The following RASA3 variants were observed in gnomAD, a reference collection of about 807,000 sequenced individuals.
RASA3 encodes the protein ras GTPase-activating protein 3.
RASA3 carries 73 observed loss-of-function variants against 110.0 expected under a neutral mutation model. The observed-to-expected ratio is 0.66, with a 90% CI of 0.55 to 0.81. The LOEUF (loss-of-function observed/expected upper bound fraction) is 0.81. RASA3 is among the 30% of genes least tolerant of loss of function. RASA3 has a pLI of 0.00. For missense variants in RASA3, 976 were observed against 1,113.2 expected, an observed-to-expected ratio of 0.88 and a Z score of 1.75; for synonymous variants, 500 against 451.4, an observed-to-expected ratio of 1.11 and a Z score of -1.37.
chr13:114,046,241 C>T (rs116977569), intron 3 of RASA3, among the ~76,000 whole-genome samples: 2,344 of 152,322 alleles, frequency 0.015, 135 homozygotes, highest in Admixed American at 0.1. Context: ...ACACAGCAGG[C>T]GAGCCCCAAA....
chr13:114,030,722 G>A (rs1365070163), intron 4 of RASA3, among the ~76,000 whole-genome samples: 2 of 152,214 alleles, frequency 1.3e-5, no homozygotes, highest in Admixed American at 1.3e-4. Context: ...ACAACTGTGT[G>A]TCTGCCTGTG....
intron 15 of RASA3, among the ~76,000 whole-genome samples, chr13:114,012,745 C>CCTG (rs1463426152): frequency 4.1e-5 from 5 of 121,432 alleles, no homozygotes; most frequent in East Asian, 2.2e-4. Context: ...CCCACTCACT[C>CCTG]ATTCCACACA....
chr13:113,996,114 G>T, intron 21 of RASA3, among the ~76,000 whole-genome samples: 1 of 151,064 alleles, frequency 6.6e-6, no homozygotes, highest in Non-Finnish European at 1.5e-5. Context: ...CCGGCTGATG[G>T]GGGGCCGGGA....
chr13:114,029,989 G>A (rs1190671310), intron 4 of RASA3, 102 bp from the exon 5 acceptor site: 3 of 1,100,136 alleles, frequency 2.7e-6, no homozygotes, highest in Admixed American at 2.0e-5. Context: ...GGGAGCAGGC[G>A]GCCCCGCCCT....
chr13:113,981,497 G>T (rs1424857266), intron 23 of RASA3, among the ~76,000 whole-genome samples, 178 bp downstream of exon 23: 1 of 152,174 alleles, frequency 6.6e-6, no homozygotes, highest in African/African-American at 2.4e-5. Flanking sequence ...GACCAGCAGC[G>T]CCGGGCCACG....
At chr13:114,045,195 A>G (rs2079033294) in intron 3 of RASA3, among the ~76,000 whole-genome samples, 1 of 152,210 alleles carries the variant, frequency 6.6e-6, no homozygotes, top group Non-Finnish European at 1.5e-5. Flanking sequence ...CCTGATCTAA[A>G]AGCCACGGCG....
chr13:114,114,680 C>T lies in RASA3; in HGVS notation c.55+17755G>A, dbSNP rs774303336. Among the ~76,000 whole-genome samples the T allele has an allele frequency of 9.8e-5, 15 of 152,314 alleles. No individual in the cohort carries two copies. Among genetic ancestry groups the T allele is most frequent in the Non-Finnish European group, 1.9e-4 (13 of 68,018 alleles). ...GCAACTTGTTTTTCTTCATCCTTCGCCGACCTTTGTTTATGGGTAACCCTT... is the reference window on the plus strand; with the variant it reads ...GCAACTTGTTTTTCTTCATCCTTCGTCGACCTTTGTTTATGGGTAACCCTT... On this transcript the variant is annotated intron_variant, in intron 1 of 23. Coordinates refer to ENST00000334062, the MANE Select transcript of RASA3 (RefSeq NM_007368.4). The surrounding 1 kb of genome is among the most constrained non-coding windows in gnomAD (Gnocchi z 4.8).
At position 114,056,242 on chromosome 13, in the gene RASA3, GGTGA is replaced by G. The variant is rs1485622472; in HGVS notation, c.174-4091_174-4088del. Among the ~76,000 whole-genome samples the G allele has an allele frequency of 1.3e-5, 2 of 152,208 alleles. No individual in the cohort carries two copies. The highest frequency in any genetic ancestry group is 2.9e-5 in the Non-Finnish European group (2 of 68,034). Reference sequence around the variant, plus strand: ...CGTGTCCAATGCGTGTCTGGTGAGTGGTGAGTGTCTGGTGTGTGTCTGATGTGTG... The same window carrying G: ...CGTGTCCAATGCGTGTCTGGTGAGTGGTGTCTGGTGTGTGTCTGATGTGTG... On this transcript the variant is annotated intron_variant, in intron 2 of 23. Transcript: ENST00000334062. This position sits in a 1 kb window ranked among gnomAD's most constrained non-coding sequence, Gnocchi z 5.7.
intron 3 of RASA3, among the ~76,000 whole-genome samples, chr13:114,043,548 G>A (rs1387799723): frequency 6.6e-6 from 1 of 152,120 alleles, no homozygotes; most frequent in African/African-American, 2.4e-5. Context: ...CCTAAGATCA[G>A]CCTGGTGACC....
Position 114,096,046 on chromosome 13 carries a change from C to A in RASA3, c.56-22209G>T, listed in dbSNP as rs1009022222. 3.3e-5 allele frequency among the ~76,000 whole-genome samples: 5 copies of A among 152,222 alleles called. No individual in the cohort carries two copies. The highest frequency in any genetic ancestry group is 1.2e-4 in the African/African-American group (5 of 41,462). On this transcript the variant is annotated intron_variant, in intron 1 of 23. Transcript: ENST00000334062. This position sits in a 1 kb window ranked among gnomAD's most constrained non-coding sequence, Gnocchi z 5.1. The stretch of plus-strand genomic sequence containing the variant: ...AAAATCTGCCTACAGGAAGATGCCA[C>A]CCTGGGTGGCACTGGTGTGCCGGGA...
chr13:114,099,223 G>A (rs1412558621), intron 1 of RASA3, among the ~76,000 whole-genome samples: 1 of 151,870 alleles, frequency 6.6e-6, no homozygotes, highest in African/African-American at 2.4e-5. Flanking sequence ...TTTTCTCAAG[G>A]TCAGAACAGC....
intron 3 of RASA3, among the ~76,000 whole-genome samples, chr13:114,050,616 T>C (rs1013532135): frequency 6.6e-6 from 1 of 152,198 alleles, no homozygotes; most frequent in African/African-American, 2.4e-5. Flanking sequence ...GCCAAGCCCC[T>C]CTCAATGCCA....
chr13:114,090,655 C>G (rs2079879087), intron 1 of RASA3, among the ~76,000 whole-genome samples: 1 of 152,210 alleles, frequency 6.6e-6, no homozygotes, highest in Admixed American at 6.5e-5. Flanking sequence ...AAACACCTCA[C>G]AGCAGAGAGC....
At chr13:114,108,592 C>T (rs1442784523) in intron 1 of RASA3, 1 of 152,250 alleles carries the variant, frequency 6.6e-6, no homozygotes, top group Non-Finnish European at 1.5e-5. Flanking sequence ...ATCCACATCC[C>T]ATCACCAGGT....
intron 1 of RASA3, among the ~76,000 whole-genome samples, chr13:114,116,996 A>ATGTGTGAGGGGTGCACG (rs2080289045): frequency 1.2e-4 from 4 of 34,552 alleles, no homozygotes; most frequent in Non-Finnish European, 1.6e-4. Flanking sequence ...AGGGATGCAC[A>ATGTGTGAGGGGTGCACG]TGTGTGAGGG....
At chr13:114,021,575 C>T (rs2053928154) in intron 8 of RASA3, 67 bp from the exon 9 acceptor site, 27 of 1,304,920 alleles carry the variant, frequency 2.1e-5, no homozygotes, top group Non-Finnish European at 2.6e-5. Flanking sequence ...AGATGACAGG[C>T]CACGCTTTGT....
rs368455442 is a variant in RASA3, at chr13:114,011,160, G to A, written c.1590+11C>T. 25 of 1,597,674 alleles carry A rather than the reference G, an allele frequency of 1.6e-5. No individual in the cohort carries two copies. The highest frequency in any genetic ancestry group is 2.7e-5 in the African/African-American group (2 of 74,574). On this transcript the variant is annotated intron_variant, in intron 16 of 23. Coordinates refer to ENST00000334062, the MANE Select transcript of RASA3 (RefSeq NM_007368.4). This position sits in a 1 kb window ranked among gnomAD's most constrained non-coding sequence, Gnocchi z 4.8. The stretch of plus-strand genomic sequence containing the variant: ...GTCCCTAAAAAGAGAAAATGAAGAA[G>A]AGGGACTCACAGATTTGGACTTGGA...
At chr13:114,052,784 C>T (rs1489301329) in intron 2 of RASA3, among the ~76,000 whole-genome samples, 1 of 145,962 alleles carries the variant, frequency 6.9e-6, no homozygotes, top group Non-Finnish European at 1.5e-5. Context: ...GAGAGACCCC[C>T]GCTGCTGACT....
rs1003584781 is a variant in RASA3 at position 114,115,629 on chromosome 13, G to C, written c.55+16806C>G. Among the ~76,000 whole-genome samples the C allele has an allele frequency of 5.3e-5, 8 of 152,124 alleles. No individual in the cohort carries two copies. Among genetic ancestry groups the C allele is most frequent in the African/African-American group, 1.9e-4 (8 of 41,422 alleles). ...CGTGTCCCCCTCGCTGTCGCCTGCC[G>C]ATTTGGTGGCTCCTCTCATAACACA... On this transcript the variant is annotated intron_variant, in intron 1 of 23. Transcript: ENST00000334062. The surrounding 1 kb of genome is among the most constrained non-coding windows in gnomAD (Gnocchi z 5.0).
Sources: gnomAD v4.1 joint callset for allele counts (sites outside exome capture counted in the v4.1 genomes callset) on GRCh38, gnomAD v4.1.1 for gene constraint, Gnocchi (gnomAD v3.1) non-coding constraint, MANE v1.5 for transcripts, NCBI Gene and HGNC (gene_info 2026-07-23, HGNC 2026-07-21) for gene names.